COL25A1: variants seen among roughly 807,000 people sequenced by gnomAD.
COL25A1 encodes the protein collagen type XXV alpha 1 chain.
A neutral mutation model predicts 128.4 loss-of-function variants in COL25A1; 103 were observed. That is an observed-to-expected ratio of 0.80 (90% CI 0.68 to 0.94). COL25A1 has a LOEUF of 0.94. COL25A1 is among the 40% of genes least tolerant of loss of function. COL25A1 has a pLI of 0.00. For missense variants in COL25A1, 745 were observed against 840.0 expected (o/e 0.89, Z 1.40); for synonymous variants, 279 against 277.2 (o/e 1.01, Z -0.06).
intron 33 of COL25A1, among the ~76,000 whole-genome samples, chr4:108,825,898 A>C (rs1279508637): frequency 6.6e-6 from 1 of 152,188 alleles, no homozygotes; most frequent in Admixed American, 6.5e-5. Flanking sequence ...TTAGGCAAGA[A>C]TGATAAATTC....
chr4:109,236,967 A>G (rs1779521228), intron 3 of COL25A1, among the ~76,000 whole-genome samples: 1 of 152,108 alleles, frequency 6.6e-6, no homozygotes, highest in African/African-American at 2.4e-5. Context: ...CACATTATGT[A>G]GAATGGTCAC....
intron 13 of COL25A1, among the ~76,000 whole-genome samples, chr4:108,906,491 G>A (rs1486663092): frequency 2.6e-5 from 4 of 151,938 alleles, no homozygotes; most frequent in African/African-American, 7.3e-5. Context: ...ACCAACTGCC[G>A]CCTAAGATAC....
chr4:109,155,943 C>T (rs1771990353), intron 3 of COL25A1, among the ~76,000 whole-genome samples: 1 of 152,106 alleles, frequency 6.6e-6, no homozygotes, highest in African/African-American at 2.4e-5. Flanking sequence ...GGCACAGATC[C>T]ATAAGAAAAA....
chr4:108,896,614 G>A (rs1166826666), intron 16 of COL25A1, 53 bp downstream of exon 16: 2 of 1,476,644 alleles, frequency 1.4e-6, no homozygotes, highest in African/African-American at 1.4e-5. Flanking sequence ...TCATAAACTT[G>A]AAGTATATTT....
At chr4:109,194,781 C>A (rs1315459983) in intron 3 of COL25A1, among the ~76,000 whole-genome samples, 1 of 152,092 alleles carries the variant, frequency 6.6e-6, no homozygotes, top group East Asian at 1.9e-4. Flanking sequence ...TGTGACTGTG[C>A]AATTCCTCCT....
intron 3 of COL25A1, among the ~76,000 whole-genome samples, chr4:109,203,893 T>C (rs187096061): frequency 6.6e-6 from 1 of 152,176 alleles, no homozygotes; most frequent in Non-Finnish European, 1.5e-5. Context: ...TTTGCCACAG[T>C]TGGGTCATAT....
intron 11 of COL25A1, among the ~76,000 whole-genome samples, chr4:108,921,614 A>G (rs4956064): frequency 0.71 from 107,388 of 151,976 alleles, 39,376 homozygotes; most frequent in East Asian, 1. Flanking sequence ...AAAACACTAG[A>G]GTGGTTGTCA....
At chr4:108,987,615 C>T (rs2126007696) in intron 6 of COL25A1, among the ~76,000 whole-genome samples, 2 of 152,236 alleles carry the variant, frequency 1.3e-5, no homozygotes, top group East Asian at 3.9e-4. Context: ...ACCTCGTGAT[C>T]CACCCGCCTC....
At chr4:109,284,836 C>T (rs1464397416) in intron 3 of COL25A1, among the ~76,000 whole-genome samples, 2 of 134,096 alleles carry the variant, frequency 1.5e-5, no homozygotes, top group Non-Finnish European at 3.1e-5. Flanking sequence ...ATGCCCCACC[C>T]AGGAAAAAAA....
intron 5 of COL25A1, among the ~76,000 whole-genome samples, chr4:109,037,567 G>A (rs1015084697): frequency 4.6e-5 from 7 of 152,208 alleles, no homozygotes; most frequent in African/African-American, 1.7e-4. Flanking sequence ...AGTTTACCAG[G>A]AATGTTTCAT....
At chr4:109,131,389 G>C (rs1032358273) in intron 3 of COL25A1, among the ~76,000 whole-genome samples, 15 of 152,196 alleles carry the variant, frequency 9.9e-5, no homozygotes, top group African/African-American at 3.4e-4. Context: ...TGATGTGGCA[G>C]AAATGTAACG....
chr4:109,233,429 A>T (rs1241375358), intron 3 of COL25A1, among the ~76,000 whole-genome samples: 1 of 152,126 alleles, frequency 6.6e-6, no homozygotes, highest in Non-Finnish European at 1.5e-5. Context: ...CCTCACAAAC[A>T]TCAGGAAACA....
intron 26 of COL25A1, among the ~76,000 whole-genome samples, chr4:108,849,752 C>T (rs142706670): frequency 6.6e-6 from 1 of 152,156 alleles, no homozygotes; most frequent in South Asian, 2.1e-4. Flanking sequence ...AGATTTCCAA[C>T]GGAGCTGACC....
At chr4:108,967,380 T>C (rs1751432970) in intron 8 of COL25A1, among the ~76,000 whole-genome samples, 1 of 152,206 alleles carries the variant, frequency 6.6e-6, no homozygotes, top group Admixed American at 6.5e-5. Context: ...CAGAACAAAC[T>C]AGAAGCTGAG....
intron 32 of COL25A1, among the ~76,000 whole-genome samples, chr4:108,830,220 T>A (rs1199628060): frequency 6.6e-6 from 1 of 152,176 alleles, no homozygotes; most frequent in Non-Finnish European, 1.5e-5. Flanking sequence ...CCTCTCAAGC[T>A]TAACACATTT....
At chr4:108,991,598 T>G (rs1317066151) in intron 6 of COL25A1, among the ~76,000 whole-genome samples, 1 of 152,234 alleles carries the variant, frequency 6.6e-6, no homozygotes, top group African/African-American at 2.4e-5. Context: ...TTCTTTAGGA[T>G]AGACTACATT....
chr4:108,851,033 C>T (rs181895407), intron 26 of COL25A1, among the ~76,000 whole-genome samples: 5 of 151,880 alleles, frequency 3.3e-5, no homozygotes, highest in East Asian at 3.9e-4. Context: ...CTTAGTCAAG[C>T]GAGGAGGTGA....
chr4:109,124,766 C>T (rs1560731995), intron 3 of COL25A1, among the ~76,000 whole-genome samples: 1 of 151,774 alleles, frequency 6.6e-6, no homozygotes, highest in African/African-American at 2.4e-5. Flanking sequence ...AATTATATAG[C>T]CAAATAATAC....
chr4:109,044,631 A>T lies in COL25A1; in HGVS notation c.420+3537T>A, dbSNP rs114957996. On this transcript the variant is annotated intron_variant, in intron 5 of 37. Coordinates refer to ENST00000399132, the MANE Select transcript of COL25A1 (RefSeq NM_198721.4). The stretch of plus-strand genomic sequence containing the variant: ...CACAGCACCATGGGAACTGCGGGCC[A>T]GAAGGAAGTTTGAGAAATTTACTCG... Among the ~76,000 whole-genome samples, 727 of 152,268 alleles carry T rather than the reference A, an allele frequency of 4.8e-3. 5 individuals are homozygous for T. The highest frequency in any genetic ancestry group is 0.016 in the African/African-American group (659 of 41,550).
Sources: gnomAD v4.1 joint callset for allele counts (sites outside exome capture counted in the v4.1 genomes callset) on GRCh38, gnomAD v4.1.1 for gene constraint, MANE v1.5 for transcripts, NCBI Gene and HGNC (gene_info 2026-07-23, HGNC 2026-07-21) for gene names.